Variants in CTCF observed in about 807,000 individuals in gnomAD.
CTCF encodes transcriptional repressor CTCF.
Under a neutral mutation model 72.3 loss-of-function variants are expected in CTCF, and 7 were observed. The ratio of observed to expected loss-of-function variants is 0.10; its 90% CI spans 0.06 to 0.18. The LOEUF (loss-of-function observed/expected upper bound fraction) is 0.18. Among genes scored for constraint, CTCF ranks in the 10% least tolerant of loss-of-function variants. The pLI, the probability that CTCF is intolerant of heterozygous loss-of-function variation, is 1.00. For missense variants in CTCF, 516 were observed against 949.1 expected (o/e 0.54, Z 6.00); for synonymous variants, 374 against 315.8 (o/e 1.18, Z -1.95).
chr16:67,565,967 T>A (rs1340545919), intron 1 of CTCF, among the ~76,000 whole-genome samples: 1 of 152,222 alleles, frequency 6.6e-6, no homozygotes, highest in Non-Finnish European at 1.5e-5. Context: ...CTCTAGAGAC[T>A]GCTTTTTTTG....
intron 2 of CTCF, among the ~76,000 whole-genome samples, chr16:67,578,325 C>CTTTTTTTT (rs944395345): frequency 2.4e-5 from 2 of 84,482 alleles, no homozygotes; most frequent in Non-Finnish European, 4.4e-5. Flanking sequence ...GTTTATGTAT[C>CTTTTTTTT]TTTTTTTTTT....
intron 2 of CTCF, among the ~76,000 whole-genome samples, chr16:67,583,282 C>T (rs2051615835): frequency 6.6e-6 from 1 of 152,028 alleles, no homozygotes; most frequent in Non-Finnish European, 1.5e-5. Context: ...CCATGGCGCC[C>T]AGCCTACTTC....
At chr16:67,594,784 C>A (rs1197327492) in intron 2 of CTCF, among the ~76,000 whole-genome samples, 1 of 152,080 alleles carries the variant, frequency 6.6e-6, no homozygotes, top group Non-Finnish European at 1.5e-5. Flanking sequence ...TGTTTTGTAT[C>A]CATTGCTGTA....
chr16:67,620,954 T>C, intron 6 of CTCF, 137 bp downstream of exon 6: 1 of 618,320 alleles, frequency 1.6e-6, no homozygotes, highest in Non-Finnish European at 2.5e-6. Flanking sequence ...TGATAATGCT[T>C]CTCCGGCATA....
intron 4 of CTCF, 23 bp downstream of exon 4, chr16:67,612,144 G>A (rs763518001): frequency 3.8e-6 from 6 of 1,588,352 alleles, no homozygotes; most frequent in African/African-American, 2.7e-5. Flanking sequence ...AATGTTGGGG[G>A]CTACAACAGC....
At chr16:67,575,298 G>A (rs1006631113) in intron 2 of CTCF, among the ~76,000 whole-genome samples, 2 of 152,104 alleles carry the variant, frequency 1.3e-5, no homozygotes, top group African/African-American at 2.4e-5. Flanking sequence ...GAGGCTGGGC[G>A]TGGTGGCTCA....
At chr16:67,572,748 T>C (rs920425099) in intron 2 of CTCF, 1 of 152,220 alleles carries the variant, frequency 6.6e-6, no homozygotes, top group Non-Finnish European at 1.5e-5. Context: ...CAGACCAGCC[T>C]GGCCAACATG....
intron 2 of CTCF, among the ~76,000 whole-genome samples, chr16:67,574,569 T>A (rs930086973): frequency 6.6e-6 from 1 of 151,670 alleles, no homozygotes; most frequent in Admixed American, 6.6e-5. Context: ...CTCAAACTCC[T>A]GACCTCAGGT....
intron 5 of CTCF, among the ~76,000 whole-genome samples, chr16:67,620,035 A>T (rs1474796660): frequency 6.6e-6 from 1 of 152,208 alleles, no homozygotes; most frequent in Non-Finnish European, 1.5e-5. Flanking sequence ...GGAAAAGAGG[A>T]TGAGTGGAAT....
In CTCF at chr16:67,610,758, A is replaced by G. The variant is rs1296852806; in HGVS notation, c.-9-66A>G. The G allele has an allele frequency of 2.7e-5, 33 of 1,221,824 alleles. No individual in the cohort carries two copies. The East Asian group carries it at 7.8e-4, about 29-fold the overall frequency. The allele number at this position is 1,221,824 out of a possible 1,614,324, so 75.7% of individuals were successfully genotyped here. The stretch of plus-strand genomic sequence containing the variant: ...ATTCACCAAAGGGTCTTTTTGTTTT[A>G]AAATGTATATTTTTATTTAGACATG... On this transcript the variant is annotated intron_variant, in intron 2 of 11. Transcript: ENST00000264010.
At chr16:67,621,390 T>G in intron 6 of CTCF, 52 bp from the exon 7 acceptor site, 1 of 1,351,364 alleles carries the variant, frequency 7.4e-7, no homozygotes. Flanking sequence ...TCCAGTTAAA[T>G]TACAGTATTT....
chr16:67,587,099 CATT>C (rs2051679012), intron 2 of CTCF, among the ~76,000 whole-genome samples: 1 of 127,588 alleles, frequency 7.8e-6, no homozygotes, highest in African/African-American at 2.8e-5. Context: ...ACTTCTTAAA[CATT>C]TTTTTTTTTT....
chr16:67,604,147 A>G lies in CTCF; in HGVS notation c.-9-6677A>G, dbSNP rs544566439. On this transcript the variant is annotated intron_variant, in intron 2 of 11. Coordinates refer to ENST00000264010, the MANE Select transcript of CTCF (RefSeq NM_006565.4). ...CCGTCTCAAAAAAAAAAAAAAAAAG[A>G]AAAGAAAAGAAAATTAATTGAGCAT... Among the ~76,000 whole-genome samples, 4 of 149,978 alleles carry G rather than the reference A, an allele frequency of 2.7e-5. No individual in the cohort carries two copies. The South Asian group carries it at 6.3e-4, about 24-fold the overall frequency.
chr16:67,597,171 AC>A (rs1349186310), intron 2 of CTCF, among the ~76,000 whole-genome samples: 1 of 151,894 alleles, frequency 6.6e-6, no homozygotes, highest in African/African-American at 2.4e-5. Flanking sequence ...AATAGCTGAG[AC>A]CCCAGGCGCA....
chr16:67,603,396 G>A (rs1396469675), intron 2 of CTCF, among the ~76,000 whole-genome samples: 1 of 151,754 alleles, frequency 6.6e-6, no homozygotes, highest in Non-Finnish European at 1.5e-5. Context: ...AGCTGGGAGT[G>A]CTGGTGGGTG....
chr16:67,594,377 C>T (rs542934745), intron 2 of CTCF, among the ~76,000 whole-genome samples: 1 of 147,412 alleles, frequency 6.8e-6, no homozygotes, highest in Admixed American at 6.8e-5. Context: ...GGGTGGGACC[C>T]TGTCTCAAAA....
At chr16:67,613,253 T>TA (rs1259086920) in intron 4 of CTCF, among the ~76,000 whole-genome samples, 3 of 152,246 alleles carry the variant, frequency 2.0e-5, no homozygotes, top group African/African-American at 7.2e-5. Flanking sequence ...CTTCATTTCA[T>TA]ATGACAACTC....
chr16:67,584,332 GTCT>G (rs1380717997), intron 2 of CTCF, among the ~76,000 whole-genome samples: 2 of 134,298 alleles, frequency 1.5e-5, no homozygotes, highest in South Asian at 2.4e-4. Flanking sequence ...AAAAAAAAAA[GTCT>G]TCTTTTTTTT....
intron 10 of CTCF, 44 bp from the exon 11 acceptor site, chr16:67,636,646 C>T (rs746709591): frequency 1.3e-6 from 2 of 1,495,192 alleles, no homozygotes; most frequent in Non-Finnish European, 1.8e-6. Flanking sequence ...TTCCACCACC[C>T]TTCTCCTTGC....
Sources: allele counts gnomAD v4.1 joint callset (sites outside exome capture counted in the v4.1 genomes callset), GRCh38; gene constraint gnomAD v4.1.1; transcripts MANE v1.5; gene names NCBI Gene and HGNC (gene_info 2026-07-23, HGNC 2026-07-21).